The following FAF1 variants were observed in gnomAD, a reference collection of about 807,000 sequenced individuals.
FAF1 encodes the protein FAS-associated factor 1.
In FAF1, 25 loss-of-function variants were observed where a neutral mutation model predicts 92.5. The observed-to-expected ratio is 0.27, with a 90% confidence interval of 0.20 to 0.38. The LOEUF is 0.38. Ranked by LOEUF, FAF1 falls within the 10% of genes least tolerant of loss-of-function variation. The pLI, the probability that FAF1 is intolerant of heterozygous loss-of-function variation, is 1.00. For missense variants in FAF1, 636 were observed against 793.3 expected, an observed-to-expected ratio of 0.80 and a Z score of 2.38; for synonymous variants, 234 against 273.2, an observed-to-expected ratio of 0.86 and a Z score of 1.42.
At chr1:50,596,347 C>T (rs1189330724) in intron 8 of FAF1, 131 bp from the exon 9 acceptor site, 2 of 643,054 alleles carry the variant, frequency 3.1e-6, no homozygotes, top group South Asian at 2.0e-5. Flanking sequence ...CTGGGTATTA[C>T]ATTACCAGGA....
rs79339491 is a variant in FAF1 at position 50,602,828 on chromosome 1, T to C, written c.745-6612A>G. On this transcript the variant is annotated intron_variant, in intron 8 of 18. Coordinates refer to ENST00000396153, the MANE Select transcript of FAF1 (RefSeq NM_007051.3). ...AAAGTATTGCTTTTTGACATATATA[T>C]ACATACACCCATGAAACCATTCCGT... Among the ~76,000 whole-genome samples, 101 of 152,220 alleles carry C rather than the reference T, an allele frequency of 6.6e-4. No homozygotes were observed. The East Asian group carries it at 0.014, about 21-fold the overall frequency.
intron 17 of FAF1, among the ~76,000 whole-genome samples, chr1:50,488,659 A>G (rs1041239952): frequency 4.6e-5 from 7 of 152,198 alleles, no homozygotes; most frequent in African/African-American, 1.4e-4. Flanking sequence ...TTGTACTGGA[A>G]TGGAGTATGA....
chr1:50,926,073 C>T (rs955881793), intron 1 of FAF1, among the ~76,000 whole-genome samples: 4 of 152,050 alleles, frequency 2.6e-5, no homozygotes, highest in Non-Finnish European at 5.9e-5. Flanking sequence ...ACAAGTTAGC[C>T]AGATGTGGTG....
chr1:50,685,156 G>A (rs1377298605), intron 7 of FAF1, among the ~76,000 whole-genome samples: 2 of 152,166 alleles, frequency 1.3e-5, no homozygotes, highest in Admixed American at 6.5e-5. Context: ...GGAACTACAT[G>A]AGCAAGAAAT....
chr1:50,746,802 G>A (rs1301556817), intron 4 of FAF1, among the ~76,000 whole-genome samples: 1 of 152,174 alleles, frequency 6.6e-6, no homozygotes, highest in Non-Finnish European at 1.5e-5. Context: ...GACCTTCACA[G>A]CAGCCCCTGC....
At chr1:50,610,596 G>A (rs1652641075) in intron 8 of FAF1, among the ~76,000 whole-genome samples, 1 of 152,130 alleles carries the variant, frequency 6.6e-6, no homozygotes, top group African/African-American at 2.4e-5. Flanking sequence ...GATGCAATGT[G>A]CTCAGGTTAT....
chr1:50,829,121 G>A (rs568893985), intron 2 of FAF1, among the ~76,000 whole-genome samples: 83 of 152,318 alleles, frequency 5.4e-4, no homozygotes, highest in African/African-American at 1.9e-3. Context: ...GACAGGTAGT[G>A]AGTGGCAAGA....
At chr1:50,886,451 CAT>C (rs937300825) in intron 1 of FAF1, among the ~76,000 whole-genome samples, 1 of 152,086 alleles carries the variant, frequency 6.6e-6, no homozygotes, top group East Asian at 1.9e-4. Context: ...GATATGTACA[CAT>C]GTGCCATGTT....
intron 15 of FAF1, among the ~76,000 whole-genome samples, chr1:50,498,483 G>A (rs747273548): frequency 2.6e-5 from 4 of 152,114 alleles, no homozygotes; most frequent in Admixed American, 1.3e-4. Context: ...ATATTTGCAC[G>A]TGATGTCTGA....
At chr1:50,933,032 C>T (rs1202431975) in intron 1 of FAF1, among the ~76,000 whole-genome samples, 3 of 152,170 alleles carry the variant, frequency 2.0e-5, no homozygotes, top group Admixed American at 2.0e-4. Context: ...AGGCTGCACA[C>T]AGTACTCCTG....
intron 8 of FAF1, among the ~76,000 whole-genome samples, chr1:50,639,925 C>A (rs1273247530): frequency 1.6e-5 from 2 of 126,970 alleles, no homozygotes; most frequent in African/African-American, 7.0e-5. Flanking sequence ...CAGAGCAAGA[C>A]TCGATCTCAA....
At chr1:50,633,051 C>A (rs1653860187) in intron 8 of FAF1, among the ~76,000 whole-genome samples, 1 of 152,036 alleles carries the variant, frequency 6.6e-6, no homozygotes, top group South Asian at 2.1e-4. Context: ...AATACCCCAA[C>A]CAAGAAAATG....
At chr1:50,510,165 C>CA (rs34071985) in intron 15 of FAF1, among the ~76,000 whole-genome samples, 2,693 of 60,348 alleles carry the variant, frequency 0.045, 40 homozygotes, top group Middle Eastern at 0.14. Flanking sequence ...GACTCTGTCT[C>CA]AAAAAAAAAA....
intron 2 of FAF1, among the ~76,000 whole-genome samples, chr1:50,833,156 A>G (rs6684901): frequency 0.48 from 73,459 of 151,824 alleles, 19,707 homozygotes; most frequent in African/African-American, 0.71. Flanking sequence ...GTAGGTTTAA[A>G]AGTCCACAAG....
At chr1:50,733,777 C>CT (rs1359104394) in intron 6 of FAF1, among the ~76,000 whole-genome samples, 1 of 152,186 alleles carries the variant, frequency 6.6e-6, no homozygotes, top group Non-Finnish European at 1.5e-5. Flanking sequence ...GCTACCCAGT[C>CT]TATGGTACTT....
At chr1:50,605,523 AAAGTT>A (rs1174774807) in intron 8 of FAF1, among the ~76,000 whole-genome samples, 1 of 152,208 alleles carries the variant, frequency 6.6e-6, no homozygotes, top group African/African-American at 2.4e-5. Context: ...ACTTTAAACC[AAAGTT>A]ATTTCAGCTC....
chr1:50,801,246 G>T (rs1661978167), intron 3 of FAF1, among the ~76,000 whole-genome samples: 1 of 152,174 alleles, frequency 6.6e-6, no homozygotes, highest in East Asian at 1.9e-4. Flanking sequence ...AGGAGAAAAA[G>T]TCTGTAGTAA....
intron 8 of FAF1, among the ~76,000 whole-genome samples, chr1:50,640,800 G>C (rs1218146547): frequency 7.1e-6 from 1 of 140,218 alleles, no homozygotes; most frequent in African/African-American, 2.6e-5. Flanking sequence ...TTTTTCTCTT[G>C]ATCAGTCTAG....
rs186855561 is a variant in FAF1, at chr1:50,700,150, C to T, written c.657+5636G>A. On this transcript the variant is annotated intron_variant, in intron 7 of 18. Coordinates refer to ENST00000396153, the MANE Select transcript of FAF1 (RefSeq NM_007051.3). ...GCCTCTTTTCTCCCTTTCATACCCC[C>T]CTTTTTTTTTTTATTTCTGTTTGCA... Among the ~76,000 whole-genome samples the T allele has an allele frequency of 2.8e-4, 42 of 151,900 alleles. No individual in the cohort carries two copies. The East Asian group carries it at 7.9e-3, about 29-fold the overall frequency.
Sources: allele counts gnomAD v4.1 joint callset (sites outside exome capture counted in the v4.1 genomes callset), GRCh38; gene constraint gnomAD v4.1.1; transcripts MANE v1.5; gene names NCBI Gene and HGNC (gene_info 2026-07-23, HGNC 2026-07-21).